Variants in NDRG3 observed in about 807,000 individuals in gnomAD.
NDRG3 encodes the protein protein NDRG3.
A neutral mutation model predicts 57.2 loss-of-function variants in NDRG3; 23 were observed. The ratio of observed to expected loss-of-function variants is 0.40; its 90% confidence interval spans 0.29 to 0.57. The LOEUF (loss-of-function observed/expected upper bound fraction) is 0.57. NDRG3 is among the 20% of genes least tolerant of loss of function. The probability of loss-of-function intolerance (pLI) is 0.42; values close to 1 mark genes in which losing one functional copy is unlikely to be tolerated. For missense variants in NDRG3, 384 were observed against 457.3 expected, an observed-to-expected ratio of 0.84 and a Z score of 1.46; for synonymous variants, 132 against 162.6, an observed-to-expected ratio of 0.81 and a Z score of 1.43.
chr20:36,671,152 C>T (rs1218957679), intron 9 of NDRG3, among the ~76,000 whole-genome samples, 189 bp downstream of exon 9: 1 of 152,202 alleles, frequency 6.6e-6, no homozygotes, highest in Non-Finnish European at 1.5e-5. Flanking sequence ...CATAGCTCCA[C>T]ATGTCAACAG....
intron 2 of NDRG3, among the ~76,000 whole-genome samples, chr20:36,712,803 C>G (rs1197937206): frequency 1.3e-5 from 2 of 151,330 alleles, no homozygotes; most frequent in Non-Finnish European, 1.5e-5. Flanking sequence ...ACCATGTTGC[C>G]CAGGGTGGTC....
At chr20:36,734,280 C>A (rs554695451) in intron 1 of NDRG3, among the ~76,000 whole-genome samples, 2 of 152,232 alleles carry the variant, frequency 1.3e-5, no homozygotes, top group South Asian at 4.1e-4. Context: ...GAACTGAAAC[C>A]CAGGTCTTCC....
intron 1 of NDRG3, among the ~76,000 whole-genome samples, chr20:36,733,169 AAAATATATATATATATATATATAT>A (rs1437613377): frequency 2.4e-4 from 5 of 20,976 alleles, no homozygotes; most frequent in African/African-American, 3.8e-4. Context: ...AAAAAAAAAA[AAAATATATATATATATATATATAT>A]ATATATATAT....
At chr20:36,705,604 T>C (rs1002496421) in intron 3 of NDRG3, among the ~76,000 whole-genome samples, 1 of 152,210 alleles carries the variant, frequency 6.6e-6, no homozygotes, top group Non-Finnish European at 1.5e-5. Flanking sequence ...CCTCCTTTAC[T>C]GCTAGTACCC....
intron 3 of NDRG3, among the ~76,000 whole-genome samples, chr20:36,694,591 C>G (rs1327404616): frequency 6.6e-6 from 1 of 152,176 alleles, no homozygotes; most frequent in Admixed American, 6.6e-5. Context: ...TGAAACCCTT[C>G]ATCCTATGAC....
chr20:36,701,544 C>CTT (rs897071523), intron 3 of NDRG3, among the ~76,000 whole-genome samples: 12 of 124,276 alleles, frequency 9.7e-5, no homozygotes, highest in Non-Finnish European at 1.5e-4. Context: ...GACCCTGTAT[C>CTT]TTTTTTTTTT....
At chr20:36,721,626 C>G in intron 2 of NDRG3, 53 bp downstream of exon 2, 1 of 1,040,872 alleles carries the variant, frequency 9.6e-7, no homozygotes, top group Non-Finnish European at 1.5e-6. Flanking sequence ...AAATGAAATA[C>G]TATCAGAAGA....
chr20:36,681,917 C>T (rs934392318), intron 7 of NDRG3, among the ~76,000 whole-genome samples: 6 of 152,100 alleles, frequency 3.9e-5, no homozygotes, highest in Non-Finnish European at 7.4e-5. Context: ...AGGCTGGTCT[C>T]GAACTCCTGA....
chr20:36,733,241 T>C (rs1985432324), intron 1 of NDRG3, among the ~76,000 whole-genome samples: 1 of 132,634 alleles, frequency 7.5e-6, no homozygotes, highest in South Asian at 2.6e-4. Context: ...ATAAAGACAA[T>C]AAGAACAATA....
At position 36,689,821 on chromosome 20, in the gene NDRG3, C is replaced by T. The variant is rs550868014; in HGVS notation, c.94-1037G>A. On this transcript the variant is annotated intron_variant, in intron 3 of 15. Transcript: ENST00000349004. ...CTGCAAGCTCCGCCTCCTGGGTTCA[C>T]GCCATTCTCCTGGCTCAGCCTCCCA... 1.8e-4 allele frequency among the ~76,000 whole-genome samples: 27 copies of T among 151,252 alleles called. 2 individuals carry two copies. The East Asian group carries it at 4.7e-3, about 26-fold the overall frequency.
At chr20:36,721,203 TA>T (rs1239817940) in intron 2 of NDRG3, among the ~76,000 whole-genome samples, 2 of 150,886 alleles carry the variant, frequency 1.3e-5, no homozygotes, top group East Asian at 3.9e-4. Context: ...TAGGAAGAAA[TA>T]AAAGGGGGGA....
chr20:36,722,393 A>T (rs747413533), intron 1 of NDRG3, among the ~76,000 whole-genome samples: 4 of 152,210 alleles, frequency 2.6e-5, no homozygotes, highest in Non-Finnish European at 5.9e-5. Flanking sequence ...AGAAACTGAG[A>T]GACAATGAAT....
intron 3 of NDRG3, among the ~76,000 whole-genome samples, chr20:36,689,781 C>CTG (rs1982109263): frequency 6.8e-6 from 1 of 147,180 alleles, no homozygotes; most frequent in Non-Finnish European, 1.5e-5. Flanking sequence ...AGTGCAGTGG[C>CTG]GCGATCTCGG....
chr20:36,684,609 G>C, intron 5 of NDRG3, 134 bp from the exon 6 acceptor site: 1 of 723,980 alleles, frequency 1.4e-6, no homozygotes. Context: ...CAGCACTTTG[G>C]GACACCGAGG....
In NDRG3 at chr20:36,684,465, G is replaced by T; in HGVS notation, c.331C>A (p.Pro111Thr). 4 of 1,613,824 alleles carry T rather than the reference G, an allele frequency of 2.5e-6. No individual in the cohort carries two copies. Among genetic ancestry groups the T allele is most frequent in the Non-Finnish European group, 3.4e-6 (4 of 1,179,754 alleles). The stretch of plus-strand genomic sequence containing the variant: ...ATTTCAGCCAGCTCATCCATTGTGG[G>T]GTACTGATACCTGCAATCCAGAAGG... The part of the protein sequence containing the change: ...APSFPTGYQY[P>T]TMDELAEMLP... Residue 111 changes from proline to threonine, a missense_variant, in exon 6 of 16, where the codon CCC becomes ACC. Pro to Thr is a conservative substitution (Grantham distance 38). Coordinates refer to ENST00000349004, the MANE Select transcript of NDRG3 (RefSeq NM_032013.4).
chr20:36,665,543 G>GA (rs1979553971), intron 10 of NDRG3, among the ~76,000 whole-genome samples: 1 of 152,094 alleles, frequency 6.6e-6, no homozygotes, highest in African/African-American at 2.4e-5. Flanking sequence ...ATGCTACAAG[G>GA]AGACAGCCTC....
intron 1 of NDRG3, among the ~76,000 whole-genome samples, chr20:36,722,459 A>G (rs866886165): frequency 6.6e-6 from 1 of 152,364 alleles, no homozygotes; most frequent in Middle Eastern, 3.4e-3. Flanking sequence ...GCAACAGATT[A>G]ATACAATTAA....
intron 8 of NDRG3, among the ~76,000 whole-genome samples, chr20:36,680,179 C>T (rs147407634): frequency 5.9e-5 from 9 of 151,342 alleles, no homozygotes; most frequent in Non-Finnish European, 8.8e-5. Flanking sequence ...TCACAGACAC[C>T]GTGATGAAAG....
At chr20:36,697,146 C>A (rs985774386) in intron 3 of NDRG3, among the ~76,000 whole-genome samples, 6 of 152,094 alleles carry the variant, frequency 3.9e-5, no homozygotes, top group African/African-American at 1.4e-4. Flanking sequence ...TGGAACCAAT[C>A]CAGAAAAAGT....
Sources: allele counts gnomAD v4.1 joint callset (sites outside exome capture counted in the v4.1 genomes callset), GRCh38; gene constraint gnomAD v4.1.1; transcripts MANE v1.5; gene names NCBI Gene and HGNC (gene_info 2026-07-23, HGNC 2026-07-21).